IFI16: variants seen among roughly 807,000 people sequenced by gnomAD.
IFI16 encodes interferon gamma inducible protein 16, also known as gamma-interferon-inducible protein 16.
Under a neutral mutation model 68.4 loss-of-function variants are expected in IFI16, and 49 were observed. The observed-to-expected ratio is 0.72, with a 90% CI of 0.57 to 0.91. The LOEUF is 0.91. Among genes scored for constraint, IFI16 ranks in the 40% least tolerant of loss-of-function variants. IFI16 has a pLI of 0.00. For synonymous variants in IFI16, 307 were observed against 315.0 expected (o/e 0.97, Z 0.27); for missense variants, 878 against 942.9 (o/e 0.93, Z 0.90).
chr1:159,013,999 AAAAT>A (rs1010089882), intron 1 of IFI16, among the ~76,000 whole-genome samples: 6 of 152,348 alleles, frequency 3.9e-5, no homozygotes, highest in East Asian at 1.9e-4. Flanking sequence ...TGAAAGAAGA[AAAAT>A]AAAACAACCA....
intron 1 of IFI16, among the ~76,000 whole-genome samples, chr1:159,010,562 T>TA (rs1224431721): frequency 2.6e-5 from 4 of 152,152 alleles, no homozygotes; most frequent in Non-Finnish European, 5.9e-5. Flanking sequence ...GAATATTAAG[T>TA]AAAAAACATA....
At chr1:159,030,829 T>C (rs2101867628) in intron 6 of IFI16, among the ~76,000 whole-genome samples, 1 of 142,058 alleles carries the variant, frequency 7.0e-6, no homozygotes, top group South Asian at 2.5e-4. Context: ...GATACAAGCT[T>C]GCCCTAGGGT....
intron 6 of IFI16, among the ~76,000 whole-genome samples, chr1:159,028,944 T>C (rs1415449503): frequency 6.6e-6 from 1 of 152,232 alleles, no homozygotes; most frequent in Non-Finnish European, 1.5e-5. Flanking sequence ...TTCATTTTGC[T>C]GTTCTGTATG....
rs774075332 is a variant in IFI16, at chr1:159,014,686, A to G, written c.6A>G (p.Gly2=). ...GCTCACTTATGTCTGTAAAGATGGGAAAAAAATACAAGAACATTGTTCTAC... is the reference window on the plus strand; with the variant it reads ...GCTCACTTATGTCTGTAAAGATGGGGAAAAAATACAAGAACATTGTTCTAC... M[G]KKYKNIVLLK... is the part of the protein sequence containing the mutation. Residue 2 remains glycine (G), a synonymous_variant, in exon 2 of 12, where the codon GGA becomes GGG. Coordinates refer to ENST00000295809, the MANE Select transcript of IFI16 (RefSeq NM_001376587.1). 6.9e-6 allele frequency: 11 copies of G among 1,594,122 alleles called. No individual in the cohort carries two copies. Among genetic ancestry groups the G allele is most frequent in the Non-Finnish European group, 9.4e-6 (11 of 1,168,914 alleles).
In IFI16 at chr1:159,039,595, C is replaced by T. The variant is rs577778948; in HGVS notation, c.1330-5702C>T. Among the ~76,000 whole-genome samples, 75 of 152,270 alleles carry T rather than the reference C, an allele frequency of 4.9e-4. No homozygotes were observed. The Middle Eastern group carries it at 0.027, about 55-fold the overall frequency. ...CTCACCTCAGGCAATCCTCCCGCCT[C>T]GGCCTCCCAAAGTGTTGGGATTACA... On this transcript the variant is annotated intron_variant, in intron 7 of 11. Coordinates refer to ENST00000295809, the MANE Select transcript of IFI16 (RefSeq NM_001376587.1).
chr1:159,025,447 A>G (rs565475125), intron 6 of IFI16, among the ~76,000 whole-genome samples: 35 of 152,368 alleles, frequency 2.3e-4, no homozygotes, highest in Non-Finnish European at 1.3e-4. Flanking sequence ...TTAGTAAAAT[A>G]TTGTAGACAT....
In IFI16 at chr1:159,051,852, G is replaced by A. The variant is rs1364655916; in HGVS notation, c.1839G>A (p.Val613=). 2 of 1,614,094 alleles carry A rather than the reference G, an allele frequency of 1.2e-6. No homozygotes were observed. Among genetic ancestry groups the A allele is most frequent in the Admixed American group, 3.3e-5 (2 of 60,018 alleles). Residue 613 remains valine, a synonymous_variant, in exon 10 of 12, where the codon GTG becomes GTA. Coordinates refer to ENST00000295809, the MANE Select transcript of IFI16 (RefSeq NM_001376587.1). ...TVATENEVFR[V]KVFNIDLKEK... is the part of the protein sequence containing the mutation. ...CAACTGAGAATGAAGTCTTCCGAGT[G>A]AAGGTTTTTAATATTGACCTAAAGG... is the stretch of plus-strand genomic sequence containing the variant.
chr1:159,045,728 A>G (rs1408236101), intron 8 of IFI16, among the ~76,000 whole-genome samples: 4 of 151,124 alleles, frequency 2.6e-5, no homozygotes, highest in African/African-American at 9.7e-5. Flanking sequence ...TTTTCCCTCA[A>G]TACACCACGA....
At chr1:159,018,089 G>A (rs567989714) in intron 4 of IFI16, 140 bp from the exon 5 acceptor site, 6 of 654,856 alleles carry the variant, frequency 9.2e-6, no homozygotes, top group South Asian at 6.1e-5. Flanking sequence ...GCCCTGGCTC[G>A]CAATCCCTCT....
intron 6 of IFI16, among the ~76,000 whole-genome samples, chr1:159,023,057 C>T (rs1176950863): frequency 6.6e-6 from 1 of 152,096 alleles, no homozygotes; most frequent in East Asian, 1.9e-4. Context: ...AATAATATAA[C>T]AGCCTACAAG....
chr1:159,023,917 A>G (rs539838274), intron 6 of IFI16, among the ~76,000 whole-genome samples: 1 of 152,178 alleles, frequency 6.6e-6, no homozygotes, highest in Non-Finnish European at 1.5e-5. Flanking sequence ...TCGGGGGCGG[A>G]CCCCCGGGGT....
At chr1:159,021,359 C>T (rs374784340) in intron 6 of IFI16, among the ~76,000 whole-genome samples, 1 of 152,200 alleles carries the variant, frequency 6.6e-6, no homozygotes, top group Non-Finnish European at 1.5e-5. Flanking sequence ...GTTTGGTTTT[C>T]CTCTCCTGAG....
At position 159,015,929 on chromosome 1, in the gene IFI16, C is replaced by T. The variant is rs769180670; in HGVS notation, c.323C>T (p.Ala108Val). 2 of 1,614,128 alleles carry T rather than the reference C, an allele frequency of 1.2e-6. No individual in the cohort carries two copies. Among genetic ancestry groups the T allele is most frequent in the South Asian group, 2.2e-5 (2 of 91,090 alleles). Reference protein sequence around the residue: ...RKKEVDATSPAPSTSSTVKTE... With the variant: ...RKKEVDATSPVPSTSSTVKTE... ...AAGGAAGTGGATGCTACTTCACCTG[C>T]ACCCTCCACAAGCAGCACTGTCAAA... Residue 108 changes from alanine (A) to valine (V), a missense_variant, in exon 3 of 12, where the codon GCA (alanine) becomes GTA (valine). This residue lies in a region of IFI16 where 443 missense variants were observed against 421.8 expected (regional missense o/e 1.05). Coordinates refer to ENST00000295809, the MANE Select transcript of IFI16 (RefSeq NM_001376587.1).
At chr1:159,017,862 C>G (rs528352979) in intron 4 of IFI16, among the ~76,000 whole-genome samples, 33 of 152,304 alleles carry the variant, frequency 2.2e-4, no homozygotes, top group African/African-American at 7.9e-4. Flanking sequence ...CCCGCCTCGG[C>G]GTTTCAAAGT....
At chr1:159,023,982 CTG>C (rs1653495483) in intron 6 of IFI16, among the ~76,000 whole-genome samples, 1 of 152,182 alleles carries the variant, frequency 6.6e-6, no homozygotes, top group Non-Finnish European at 1.5e-5. Flanking sequence ...TTATCCTAAA[CTG>C]TGGGATTTTG....
chr1:159,022,118 C>T (rs941767992), intron 6 of IFI16, among the ~76,000 whole-genome samples: 1 of 152,002 alleles, frequency 6.6e-6, no homozygotes, highest in Non-Finnish European at 1.5e-5. Flanking sequence ...CGCCCGCCAC[C>T]GCCCCCGGCT....
In IFI16 at chr1:159,052,083, G is replaced by T. The variant is rs748961974; in HGVS notation, c.2070G>T (p.Val690=). The T allele has an allele frequency of 3.7e-6, 6 of 1,611,266 alleles. No homozygotes were observed. In the African/African-American group the frequency reaches 8.0e-5, roughly 21 times the overall value. Residue 690 remains valine (V), a synonymous_variant, in exon 10 of 12, where the codon GTG becomes GTT. Transcript: ENST00000295809. ...CTAAAGGAAGTTTTGTGAATGGGGT[G>T]TTTGAGGTACATAAGGTAAGCCCAC... ...SQTKGSFVNG[V]FEVHKKNVRG...
At chr1:159,050,094 T>C (rs1416111370) in intron 9 of IFI16, among the ~76,000 whole-genome samples, 1 of 152,236 alleles carries the variant, frequency 6.6e-6, no homozygotes, top group Admixed American at 6.5e-5. Context: ...AGTATGTATA[T>C]ACAAAGAGTC....
chr1:159,020,480 A>T lies in IFI16; in HGVS notation c.1112A>T (p.Lys371Ile), dbSNP rs1653244211. 26 of 1,613,610 alleles carry T rather than the reference A, an allele frequency of 1.6e-5. No individual in the cohort carries two copies. The highest frequency in any genetic ancestry group is 2.1e-5 in the Non-Finnish European group (25 of 1,179,698). Residue 371 changes from lysine to isoleucine, a missense_variant, in exon 6 of 12, where the codon AAA (lysine) becomes ATA (isoleucine). Physicochemically the swap from Lys to Ile is moderately radical, Grantham distance 102. Around this residue, in one of 4 missense-constraint regions of IFI16, gnomAD observed 443 missense variants for 421.8 expected, o/e 1.05. Transcript: ENST00000295809. ...CAACTTTTCTGCTTTCGACTTAGAA[A>T]AAAGAACCAGATGTCAAAACTGATT... is the stretch of plus-strand genomic sequence containing the variant. ...KLQLFCFRLR[K>I]KNQMSKLISE...
Sources: gnomAD v4.1 joint callset for allele counts (sites outside exome capture counted in the v4.1 genomes callset) on GRCh38, gnomAD v4.1.1 for gene constraint, gnomAD v4.1.1 regional missense constraint, MANE v1.5 for transcripts, NCBI Gene and HGNC (gene_info 2026-07-23, HGNC 2026-07-21) for gene names.